Variants in VWA7 observed in about 807,000 individuals in gnomAD.
VWA7 encodes the protein von Willebrand factor A domain-containing protein 7.
In VWA7, 66 loss-of-function variants were observed where a neutral mutation model predicts 83.1. The observed-to-expected ratio is 0.79, with a 90% confidence interval of 0.65 to 0.98. The LOEUF is 0.98. Among genes scored for constraint, VWA7 ranks in the 50% least tolerant of loss-of-function variants. The pLI is 0.00. For synonymous variants in VWA7, 424 were observed against 488.5 expected, an observed-to-expected ratio of 0.87 and a Z score of 1.74; for missense variants, 1,080 against 1,160.2, an observed-to-expected ratio of 0.93 and a Z score of 1.00.
chr6:31,776,057 C>T lies in VWA7; in HGVS notation c.420G>A (p.Leu140=). The change falls in exon 3 of 17, where the codon CTG becomes CTA. Residue 140 remains leucine (L), a synonymous_variant. Coordinates refer to ENST00000375688, the MANE Select transcript of VWA7 (RefSeq NM_025258.3). This position sits in a 1 kb window ranked among gnomAD's most constrained non-coding sequence, Gnocchi z 6.2. ...CCACGGTCTCCCGCAGAGCCCCTACCAGGCGCGCGCGTCCCTGACCCAGTC... is the reference window on the plus strand; with the variant it reads ...CCACGGTCTCCCGCAGAGCCCCTACTAGGCGCGCGCGTCCCTGACCCAGTC... The part of the protein sequence containing the change: ...AERLGQGRAR[L]VGALRETVVA... 2 of 1,613,812 alleles carry T rather than the reference C, an allele frequency of 1.2e-6. No homozygotes were observed. Among genetic ancestry groups the T allele is most frequent in the South Asian group, 1.1e-5 (1 of 91,080 alleles).
chr6:31,770,083 G>C lies in VWA7; in HGVS notation c.1118C>G (p.Pro373Arg), dbSNP rs753382366. The stretch of plus-strand genomic sequence containing the variant: ...ATTAAGCTGTTGCCAGAAGCTGTCA[G>C]GGTCACTGGTTGTAAAGACAGGGCC... ...GFGPVFTTSD[P>R]DSFWQQLNEI... The change falls in exon 8 of 17, where the codon CCT becomes CGT. Residue 373 changes from proline (P) to arginine (R), a missense_variant. Physicochemically the swap from Pro to Arg is moderately radical, Grantham distance 103. Transcript: ENST00000375688. The C allele has an allele frequency of 1.2e-6, 2 of 1,612,958 alleles. No homozygotes were observed. Among genetic ancestry groups the C allele is most frequent in the Admixed American group, 1.7e-5 (1 of 60,008 alleles).
Position 31,766,798 on chromosome 6 carries a change from AG to A in VWA7, c.1883-35del. 6.4e-7 allele frequency: 1 copy of A among 1,566,530 alleles called. No homozygotes were observed. The highest frequency in any genetic ancestry group is 8.7e-7 in the Non-Finnish European group (1 of 1,151,818). ...GGGGCGAGGAGGGGAGAACATTGTGAGATTCGGAGACACAGGGAGAAAAGAA... is the reference window on the plus strand; with the variant it reads ...GGGGCGAGGAGGGGAGAACATTGTGAATTCGGAGACACAGGGAGAAAAGAA... On this transcript the variant is annotated intron_variant, in intron 13 of 16. Transcript: ENST00000375688. This position sits in a 1 kb window ranked among gnomAD's most constrained non-coding sequence, Gnocchi z 4.9.
rs1430353767 is a variant in VWA7, at chr6:31,776,627, C to T, written c.153G>A (p.Glu51=). The stretch of plus-strand genomic sequence containing the variant: ...GCTGCAGGGTGACGTTGAGCGCTGC[C>T]TCCTCAGTTAGGTCTTGGTGGGTGA... ...GSITHQDLTE[E]AALNVTLQLF... is the part of the protein sequence containing the mutation. Residue 51 remains glutamate (E), a synonymous_variant, in exon 2 of 17, where the codon GAG becomes GAA. Transcript: ENST00000375688. This position sits in a 1 kb window ranked among gnomAD's most constrained non-coding sequence, Gnocchi z 6.2. 2.6e-6 allele frequency: 4 copies of T among 1,548,914 alleles called. No individual in the cohort carries two copies. In the Admixed American group the frequency reaches 7.9e-5, roughly 31 times the overall value.
rs1812692627 is a variant in VWA7 at position 31,776,400 on chromosome 6, T to C, written c.234+146A>G. The C allele has an allele frequency of 6.3e-6, 8 of 1,264,892 alleles. No homozygotes were observed. The allele number at this position is 1,264,892 out of a possible 1,614,324, so 78.4% of individuals were successfully genotyped here. On this transcript the variant is annotated intron_variant, in intron 2 of 16. Transcript: ENST00000375688. The surrounding 1 kb of genome is among the most constrained non-coding windows in gnomAD (Gnocchi z 6.2). ...CCTTTCTAAGGAGGGGGACTCCTAA[T>C]TTCAGGACCAAGACTACTGGGTATT...
In VWA7 at chr6:31,773,436, C is replaced by G. The variant is rs535071083; in HGVS notation, c.723G>C (p.Gly241=). ...YFGTHPPKPP[G]KCSHGGHFDR... is the part of the protein sequence containing the mutation. The stretch of plus-strand genomic sequence containing the variant: ...CAAAATGGCCCCCGTGGCTACATTT[C>G]CCTGGGTTGGGGAAAGGGATCTGGA... Residue 241 remains glycine (G), a splice_region_variant and synonymous_variant, in exon 6 of 17, where the codon GGG becomes GGC. Coordinates refer to ENST00000375688, the MANE Select transcript of VWA7 (RefSeq NM_025258.3). This position sits in a 1 kb window ranked among gnomAD's most constrained non-coding sequence, Gnocchi z 5.3. 3.8e-6 allele frequency: 6 copies of G among 1,583,702 alleles called. No individual in the cohort carries two copies. In the South Asian group the frequency reaches 5.8e-5, roughly 15 times the overall value.
At position 31,777,072 on chromosome 6, in the gene VWA7, G is replaced by A; in HGVS notation, c.-16+37C>T. On this transcript the variant is annotated intron_variant, in intron 1 of 16. Coordinates refer to ENST00000375688, the MANE Select transcript of VWA7 (RefSeq NM_025258.3). The surrounding 1 kb of genome is among the most constrained non-coding windows in gnomAD (Gnocchi z 5.8). ...GCCCTGCCGCAGAAACACTCCCCAT[G>A]CTCAGGAAGCCTGAGTCCTCTCAGG... 2.5e-6 allele frequency: 1 copy of A among 403,086 alleles called. No individual in the cohort carries two copies. Among genetic ancestry groups the A allele is most frequent in the Non-Finnish European group, 4.4e-6 (1 of 227,354 alleles). The allele number at this position is 403,086 out of a possible 1,614,324, so 25.0% of individuals were successfully genotyped here.
Position 31,769,648 on chromosome 6 carries a change from A to G in VWA7, c.1317+27T>C. On this transcript the variant is annotated intron_variant, in intron 9 of 16. Transcript: ENST00000375688. This position sits in a 1 kb window ranked among gnomAD's most constrained non-coding sequence, Gnocchi z 4.5. ...TCTCTCACATCCCTGGGAGGCTAAC[A>G]CTGGGTCTCCCACTAGCTCTGCTCA... 1 of 1,583,636 alleles carries G rather than the reference A, an allele frequency of 6.3e-7. No homozygotes were observed. Among genetic ancestry groups the G allele is most frequent in the Non-Finnish European group, 8.7e-7 (1 of 1,153,668 alleles).
intron 5 of VWA7, among the ~76,000 whole-genome samples, chr6:31,774,154 C>CAAA (rs10581485): frequency 1.6e-4 from 10 of 61,840 alleles, no homozygotes; most frequent in African/African-American, 4.5e-4. Flanking sequence ...AACTCCATCT[C>CAAA]AAAAAAAAAA....
rs1812343935 is a variant in VWA7, at chr6:31,772,995, A to C, written c.1046T>G (p.Met349Arg). Residue 349 changes from methionine (M) to arginine (R), a missense_variant, in exon 7 of 17, where the codon ATG (methionine) becomes AGG (arginine). Transcript: ENST00000375688. The part of the protein sequence containing the change: ...HLVEQRRGSP[M>R]EPVHYVLVPF... The stretch of plus-strand genomic sequence containing the variant: ...CACCAGGACATAGTGGACAGGCTCC[A>C]TGGGGCTGCCTCTCCGCTGCTCCAC... The C allele has an allele frequency of 6.2e-7, 1 of 1,612,456 alleles. No individual in the cohort carries two copies. Among genetic ancestry groups the C allele is most frequent in the South Asian group, 1.1e-5 (1 of 91,040 alleles).
At chr6:31,774,421 G>T in intron 5 of VWA7, 95 bp downstream of exon 5, 2 of 1,172,738 alleles carry the variant, frequency 1.7e-6, no homozygotes, top group Non-Finnish European at 2.4e-6. Flanking sequence ...CCTAGGAGGA[G>T]ATGCCATAGC....
chr6:31,766,452 T>C lies in VWA7; in HGVS notation c.2184+11A>G. Reference sequence around the variant, plus strand: ...CTCCAGCCCCAGCCGCACTTTCCCCTGGCGTCTCACCTCCAGAAGGACAGG... The same window carrying C: ...CTCCAGCCCCAGCCGCACTTTCCCCCGGCGTCTCACCTCCAGAAGGACAGG... On this transcript the variant is annotated intron_variant, in intron 14 of 16. Transcript: ENST00000375688. The surrounding 1 kb of genome is among the most constrained non-coding windows in gnomAD (Gnocchi z 4.9). The C allele has an allele frequency of 1.3e-6, 2 of 1,584,014 alleles. No homozygotes were observed. The highest frequency in any genetic ancestry group is 1.7e-6 in the Non-Finnish European group (2 of 1,164,358).
rs1191971434 is a variant in VWA7, at chr6:31,767,489, G to C, written c.1662C>G (p.Gly554=). 6.2e-7 allele frequency: 1 copy of C among 1,611,352 alleles called. No homozygotes were observed. The highest frequency in any genetic ancestry group is 8.5e-7 in the Non-Finnish European group (1 of 1,178,512). Residue 554 remains glycine (G), a synonymous_variant, in exon 12 of 17, where the codon GGC becomes GGG. Transcript: ENST00000375688. The part of the protein sequence containing the change: ...PAGVSQGQEE[G]GGPLGHTRRF... ...GGCGAGTGTGACCTAGAGGACCCCC[G>C]CCTTCCTCCTGGCCCTGGGAGACCC...
rs537475453 is a variant in VWA7 at position 31,777,319 on chromosome 6, G to A, written c.-226C>T. ...GGCGGGCCTCCCTTGGCTGCAGTGC[G>A]GAGGTGAGTGAGAGCTGGGGAGGAG... On this transcript the variant is annotated 5_prime_UTR_variant, in exon 1 of 17. Coordinates refer to ENST00000375688, the MANE Select transcript of VWA7 (RefSeq NM_025258.3). The surrounding 1 kb of genome is among the most constrained non-coding windows in gnomAD (Gnocchi z 5.8). 49 of 558,950 alleles carry A rather than the reference G, an allele frequency of 8.8e-5. No individual in the cohort carries two copies. Among genetic ancestry groups the A allele is most frequent in the African/African-American group, 6.8e-4 (36 of 52,866 alleles). The allele number at this position is 558,950 out of a possible 1,614,324, so 34.6% of individuals were successfully genotyped here. A position where few individuals can be genotyped will look rare whatever the true frequency, so the allele number is the denominator to read the frequency against.
chr6:31,767,772 AC>A lies in VWA7; in HGVS notation c.1504-19del, dbSNP rs1562267712. On this transcript the variant is annotated intron_variant, in intron 10 of 16. Transcript: ENST00000375688. ...AGAGTCACCTTGAGGGATTGGCAGG[AC>A]CAGAAAATGGGGAAGAAGATGAGGT... is the stretch of plus-strand genomic sequence containing the variant. The A allele has an allele frequency of 6.3e-7, 1 of 1,592,146 alleles. No homozygotes were observed. The highest frequency in any genetic ancestry group is 2.3e-5 in the East Asian group (1 of 44,188).
chr6:31,769,687 C>T lies in VWA7; in HGVS notation c.1305G>A (p.Glu435=). 1 of 1,613,002 alleles carries T rather than the reference C, an allele frequency of 6.2e-7. No homozygotes were observed. Among genetic ancestry groups the T allele is most frequent in the East Asian group, 2.2e-5 (1 of 44,888 alleles). Residue 435 remains glutamate, a synonymous_variant, in exon 9 of 17, where the codon GAG becomes GAA. Coordinates refer to ENST00000375688, the MANE Select transcript of VWA7 (RefSeq NM_025258.3). The surrounding 1 kb of genome is among the most constrained non-coding windows in gnomAD (Gnocchi z 4.5). ...LTNQVESLTQ[E]RRCRVTFLVT... ...TAGCTCTGCTCACCCGGCAGCGCCGCTCCTGAGTCAGGGATTCCACCTGGT... is the reference window on the plus strand; with the variant it reads ...TAGCTCTGCTCACCCGGCAGCGCCGTTCCTGAGTCAGGGATTCCACCTGGT...
intron 7 of VWA7, among the ~76,000 whole-genome samples, chr6:31,772,018 A>G (rs1021836680): frequency 2.0e-5 from 3 of 146,374 alleles, no homozygotes; most frequent in African/African-American, 7.7e-5. Flanking sequence ...AAAAAAAAAG[A>G]AAATGGTTTA....
At position 31,773,716 on chromosome 6, in the gene VWA7, G is replaced by A. The variant is rs147670140; in HGVS notation, c.722-279C>T. On this transcript the variant is annotated intron_variant, in intron 5 of 16. Coordinates refer to ENST00000375688, the MANE Select transcript of VWA7 (RefSeq NM_025258.3). This position sits in a 1 kb window ranked among gnomAD's most constrained non-coding sequence, Gnocchi z 5.3. Reference sequence around the variant, plus strand: ...ATAAAAATTAGCCAGGTGTGGTGGCGCGTGCTTGTAATCCCAGCTACTTAG... The same window carrying A: ...ATAAAAATTAGCCAGGTGTGGTGGCACGTGCTTGTAATCCCAGCTACTTAG... 2.8e-3 allele frequency among the ~76,000 whole-genome samples: 425 copies of A among 152,180 alleles called. 1 individual carries two copies. The highest frequency in any genetic ancestry group is 9.5e-3 in the African/African-American group (394 of 41,518).
In VWA7 at chr6:31,773,320, G is replaced by T; in HGVS notation, c.839C>A (p.Ala280Asp). 6.2e-7 allele frequency: 1 copy of T among 1,608,782 alleles called. No individual in the cohort carries two copies. The highest frequency in any genetic ancestry group is 8.5e-7 in the Non-Finnish European group (1 of 1,177,854). Residue 280 changes from alanine to aspartate, a missense_variant, in exon 6 of 17, where the codon GCT becomes GAT. Transcript: ENST00000375688. The surrounding 1 kb of genome is among the most constrained non-coding windows in gnomAD (Gnocchi z 5.3). ...FSPHHMLHLQ[A>D]AKLALLASIQ... ...GGAGGCTAGAAGGGCCAGTTTTGCA[G>T]CCTGGAGGTGCAGCATGTGGTGAGG...
intron 4 of VWA7, 95 bp from the exon 5 acceptor site, chr6:31,774,721 GGAT>G: frequency 9.6e-7 from 1 of 1,044,934 alleles, no homozygotes. Flanking sequence ...CTCCCAGCTG[GGAT>G]GAGGCGAACA....
Sources: allele counts gnomAD v4.1 joint callset (sites outside exome capture counted in the v4.1 genomes callset), GRCh38; gene constraint gnomAD v4.1.1; non-coding constraint Gnocchi (gnomAD v3.1); transcripts MANE v1.5; gene names NCBI Gene and HGNC (gene_info 2026-07-23, HGNC 2026-07-21).